Variants in CD4 observed in about 807,000 individuals in gnomAD.
CD4 encodes the protein T-cell surface glycoprotein CD4.
In CD4, 25 loss-of-function variants were observed where a neutral mutation model predicts 50.5. The ratio of observed to expected loss-of-function variants is 0.49; its 90% CI spans 0.36 to 0.69. The LOEUF is 0.69. Among genes scored for constraint, CD4 ranks in the 30% least tolerant of loss-of-function variants. The pLI is 0.00. For missense variants in CD4, 456 were observed against 548.5 expected (o/e 0.83, Z 1.68); for synonymous variants, 207 against 221.9 (o/e 0.93, Z 0.60).
intron 3 of CD4, among the ~76,000 whole-genome samples, chr12:6,802,915 T>A (rs1290335466): frequency 9.2e-5 from 14 of 152,004 alleles, no homozygotes; most frequent in African/African-American, 3.4e-4. Context: ...TTTATTTTTT[T>A]ATTAGAGACA....
chr12:6,804,764 C>T (rs1555115891), intron 3 of CD4, among the ~76,000 whole-genome samples: 1 of 151,966 alleles, frequency 6.6e-6, no homozygotes, highest in East Asian at 1.9e-4. Context: ...CTCCTGTAAC[C>T]CCAACACTTT....
chr12:6,800,356 A>T lies in CD4; in HGVS notation c.99A>T (p.Lys33Asn). ...GAAAGAAAGTGGTGCTGGGCAAAAAAGGGGATACAGTGGAACTGACCTGTA... is the reference window on the plus strand; with the variant it reads ...GAAAGAAAGTGGTGCTGGGCAAAAATGGGGATACAGTGGAACTGACCTGTA... ...TQGKKVVLGK[K>N]GDTVELTCTA... The change falls in exon 3 of 10, where the codon AAA becomes AAT. Residue 33 changes from lysine (K) to asparagine (N), a missense_variant. Physicochemically the swap from Lys to Asn is moderately conservative, Grantham distance 94. Coordinates refer to ENST00000011653, the MANE Select transcript of CD4 (RefSeq NM_000616.5). The T allele has an allele frequency of 6.2e-7, 1 of 1,614,118 alleles. No individual in the cohort carries two copies. The highest frequency in any genetic ancestry group is 8.5e-7 in the Non-Finnish European group (1 of 1,180,008).
intron 3 of CD4, among the ~76,000 whole-genome samples, chr12:6,808,604 T>G (rs1555116617): frequency 6.6e-6 from 1 of 151,994 alleles, no homozygotes; most frequent in African/African-American, 2.4e-5. Flanking sequence ...TAAGACAACT[T>G]AGAAATGTAT....
intron 7 of CD4, among the ~76,000 whole-genome samples, chr12:6,817,697 C>T (rs1405757856): frequency 1.3e-5 from 2 of 151,716 alleles, no homozygotes; most frequent in African/African-American, 2.4e-5. Context: ...CACATGCACA[C>T]ACTCCCATAC....
chr12:6,790,251 T>C (rs1190818677), intron 1 of CD4, among the ~76,000 whole-genome samples: 1 of 152,186 alleles, frequency 6.6e-6, no homozygotes, highest in African/African-American at 2.4e-5. Context: ...CCAAATATCA[T>C]ACTTGCAGCA....
In CD4 at chr12:6,818,720, C is replaced by G; in HGVS notation, c.1279-127C>G. On this transcript the variant is annotated intron_variant, in intron 8 of 9. Coordinates refer to ENST00000011653, the MANE Select transcript of CD4 (RefSeq NM_000616.5). This position sits in a 1 kb window ranked among gnomAD's most constrained non-coding sequence, Gnocchi z 5.0. The stretch of plus-strand genomic sequence containing the variant: ...GACAGGAAGGAGCAGAGAGTTAATT[C>G]CAGGATAGATGGCCTGGGCCATGTA... The G allele has an allele frequency of 8.4e-7, 1 of 1,190,876 alleles. No individual in the cohort carries two copies. The highest frequency in any genetic ancestry group is 1.3e-5 in the South Asian group (1 of 77,626). The allele number at this position is 1,190,876 out of a possible 1,614,324, so 73.8% of individuals were successfully genotyped here.
In CD4 at chr12:6,816,156, C is replaced by A. The variant is rs28919568; in HGVS notation, c.708C>A (p.Gly236=). ...CAGTTGAAAAGCTGACGGGCAGTGG[C>A]GAGCTGTGGTGGCAGGCGGAGAGGG... ...AFTVEKLTGS[G]ELWWQAERAS... Residue 236 remains glycine (G), a synonymous_variant, in exon 6 of 10, where the codon GGC becomes GGA. Coordinates refer to ENST00000011653, the MANE Select transcript of CD4 (RefSeq NM_000616.5). The surrounding 1 kb of genome is among the most constrained non-coding windows in gnomAD (Gnocchi z 4.9). 6.2e-7 allele frequency: 1 copy of A among 1,614,172 alleles called. No individual in the cohort carries two copies. Among genetic ancestry groups the A allele is most frequent in the Admixed American group, 1.7e-5 (1 of 60,024 alleles).
rs2137937836 is a variant in CD4, at chr12:6,820,308, G to A, written c.*979G>A. ...TCATCCCCCGCTGGTGGCAGAATCTGTTACCAGAGGACAAAGCCTTTGGCT... is the reference window on the plus strand; with the variant it reads ...TCATCCCCCGCTGGTGGCAGAATCTATTACCAGAGGACAAAGCCTTTGGCT... On this transcript the variant is annotated 3_prime_UTR_variant, in exon 10 of 10. Transcript: ENST00000011653. 1 of 152,380 alleles carries A rather than the reference G, an allele frequency of 6.6e-6. No homozygotes were observed. The highest frequency in any genetic ancestry group is 3.4e-3 in the Middle Eastern group (1 of 294). The allele number at this position is 152,380 out of a possible 1,614,324, so 9.4% of individuals were successfully genotyped here.
chr12:6,818,028 G>A lies in CD4; in HGVS notation c.1157-393G>A, dbSNP rs985008995. Among the ~76,000 whole-genome samples, 3 of 147,760 alleles carry A rather than the reference G, an allele frequency of 2.0e-5. No homozygotes were observed. The highest frequency in any genetic ancestry group is 5.0e-5 in the African/African-American group (2 of 39,940). On this transcript the variant is annotated intron_variant, in intron 7 of 9. Transcript: ENST00000011653. The surrounding 1 kb of genome is among the most constrained non-coding windows in gnomAD (Gnocchi z 5.0). ...CAGTCACGCACACACATTCATACACGCACACAGGCACACATTCACACACAT... is the reference window on the plus strand; with the variant it reads ...CAGTCACGCACACACATTCATACACACACACAGGCACACATTCACACACAT...
At chr12:6,812,559 A>G (rs1234876621) in intron 3 of CD4, among the ~76,000 whole-genome samples, 5 of 151,944 alleles carry the variant, frequency 3.3e-5, no homozygotes, top group Non-Finnish European at 7.4e-5. Context: ...CATGCCTGTA[A>G]TCTCAGCTAC....
intron 3 of CD4, chr12:6,813,926 G>A (rs11064414): frequency 2.2e-6 from 1 of 463,544 alleles, no homozygotes; most frequent in Non-Finnish European, 3.9e-6. Context: ...CTCCAAATAA[G>A]GATATGATTT....
chr12:6,813,953 C>G (rs1323958762), intron 3 of CD4, 189 bp from the exon 4 acceptor site: 1 of 546,544 alleles, frequency 1.8e-6, no homozygotes, highest in Non-Finnish European at 3.3e-6. Flanking sequence ...TATTTGTGAG[C>G]TACTGTCCCA....
At chr12:6,806,073 C>A (rs1942745904) in intron 3 of CD4, among the ~76,000 whole-genome samples, 1 of 150,924 alleles carries the variant, frequency 6.6e-6, no homozygotes, top group Non-Finnish European at 1.5e-5. Flanking sequence ...CTGAGGCAGG[C>A]TGATCACTTC....
At chr12:6,799,313 T>G (rs1406073973) in intron 1 of CD4, 2 of 152,186 alleles carry the variant, frequency 1.3e-5, no homozygotes, top group Non-Finnish European at 2.9e-5. Context: ...TTTTTTTCTC[T>G]TTTTCCTCAA....
In CD4 at chr12:6,802,856, C is replaced by T. The variant is rs1359611872; in HGVS notation, c.214+2385C>T. Among the ~76,000 whole-genome samples, 3 of 151,782 alleles carry T rather than the reference C, an allele frequency of 2.0e-5. No homozygotes were observed. In the South Asian group the frequency reaches 6.3e-4, roughly 32 times the overall value. On this transcript the variant is annotated intron_variant, in intron 3 of 9. Transcript: ENST00000011653. ...GGTTCAAGCAATTCTGCCTCAGCCT[C>T]CCGAGTAGCTGGGACTACAGACACG...
intron 1 of CD4, among the ~76,000 whole-genome samples, chr12:6,794,790 T>G (rs1371821887): frequency 2.3e-5 from 3 of 128,890 alleles, no homozygotes; most frequent in Non-Finnish European, 4.8e-5. Flanking sequence ...TTTTTTGTTT[T>G]TTTTTTTTTT....
At chr12:6,814,091 G>T in intron 3 of CD4, 51 bp from the exon 4 acceptor site, 2 of 1,539,024 alleles carry the variant, frequency 1.3e-6, no homozygotes, top group Non-Finnish European at 1.8e-6. Context: ...TGCCAGAGGT[G>T]CCCTGTCTCC....
intron 3 of CD4, among the ~76,000 whole-genome samples, chr12:6,804,698 C>A (rs782818099): frequency 3.9e-5 from 6 of 152,182 alleles, no homozygotes; most frequent in Non-Finnish European, 8.8e-5. Flanking sequence ...CATAGTGAGA[C>A]CTTGTCTCTA....
At chr12:6,815,743 G>T in intron 5 of CD4, 2 of 1,369,840 alleles carry the variant, frequency 1.5e-6, no homozygotes, top group Non-Finnish European at 1.9e-6. Flanking sequence ...TGATGAATAC[G>T]CCTCTAAGGA....
Sources: gnomAD v4.1 joint callset for allele counts (sites outside exome capture counted in the v4.1 genomes callset) on GRCh38, gnomAD v4.1.1 for gene constraint, Gnocchi (gnomAD v3.1) non-coding constraint, MANE v1.5 for transcripts, NCBI Gene and HGNC (gene_info 2026-07-23, HGNC 2026-07-21) for gene names.